GLRB: variants seen among roughly 807,000 people sequenced by gnomAD.
The protein encoded by GLRB is glycine receptor subunit beta.
In GLRB, 33 loss-of-function variants were observed where a neutral mutation model predicts 54.2. The observed-to-expected ratio is 0.61, with a 90% CI of 0.46 to 0.81. The LOEUF is 0.81. Among genes scored for constraint, GLRB ranks in the 40% least tolerant of loss-of-function variants. GLRB has a pLI of 0.00. For missense variants in GLRB, 572 were observed against 584.6 expected, an observed-to-expected ratio of 0.98 and a Z score of 0.22; for synonymous variants, 209 against 208.2, an observed-to-expected ratio of 1.00 and a Z score of -0.03.
At chr4:157,144,070 A>G (rs1182112247) in intron 8 of GLRB, 111 bp downstream of exon 8, 2 of 1,130,872 alleles carry the variant, frequency 1.8e-6, no homozygotes, top group East Asian at 2.4e-5. Context: ...TTAGCCACCA[A>G]TTTCGGTGTT....
intron 2 of GLRB, among the ~76,000 whole-genome samples, chr4:157,087,593 A>G (rs1030992923): frequency 1.3e-5 from 2 of 152,108 alleles, no homozygotes; most frequent in Non-Finnish European, 2.9e-5. Flanking sequence ...ACCAGTGGAA[A>G]AAGAATACAC....
intron 2 of GLRB, among the ~76,000 whole-genome samples, chr4:157,114,233 T>A (rs1237649682): frequency 6.6e-6 from 1 of 151,838 alleles, no homozygotes; most frequent in Non-Finnish European, 1.5e-5. Context: ...CACTTCCATG[T>A]GATTATTATA....
intron 4 of GLRB, among the ~76,000 whole-genome samples, chr4:157,122,991 A>G (rs1296278524): frequency 2.0e-5 from 3 of 151,732 alleles, no homozygotes; most frequent in Admixed American, 6.6e-5. Flanking sequence ...GGAATAGGAA[A>G]GAGGTTCAAG....
In GLRB at chr4:157,081,476, A is replaced by G. The variant is rs186825210; in HGVS notation, c.122+3330A>G. Among the ~76,000 whole-genome samples the G allele has an allele frequency of 3.5e-3, 527 of 152,306 alleles. 1 individual carries two copies. The highest frequency in any genetic ancestry group is 5.1e-3 in the Non-Finnish European group (349 of 68,020). On this transcript the variant is annotated intron_variant, in intron 2 of 9. Transcript: ENST00000264428. ...ACCTGAACTCAGAATCATGTGAATA[A>G]TACAATGAATAATCACTGTATTAAG... is the stretch of plus-strand genomic sequence containing the variant.
At chr4:157,149,744 C>G (rs1270111151) in intron 8 of GLRB, among the ~76,000 whole-genome samples, 2 of 152,050 alleles carry the variant, frequency 1.3e-5, no homozygotes, top group Admixed American at 6.6e-5. Flanking sequence ...CATGTGTGCA[C>G]TTGCAATTGC....
intron 4 of GLRB, among the ~76,000 whole-genome samples, chr4:157,129,737 G>T (rs138664282): frequency 6.6e-6 from 1 of 151,384 alleles, no homozygotes; most frequent in Non-Finnish European, 1.5e-5. Flanking sequence ...AATAATTGGG[G>T]TAGAGACCCA....
chr4:157,094,439 G>A (rs937786692), intron 2 of GLRB, among the ~76,000 whole-genome samples: 1 of 152,058 alleles, frequency 6.6e-6, no homozygotes, highest in Non-Finnish European at 1.5e-5. Context: ...TTATTTTTCT[G>A]TTTTGCTCTT....
rs77437991 is a variant in GLRB at position 157,095,180 on chromosome 4, G to C, written c.122+17034G>C. 7.8e-3 allele frequency among the ~76,000 whole-genome samples: 1,178 copies of C among 151,722 alleles called. 23 individuals carry two copies. The East Asian group carries it at 0.1, about 13-fold the overall frequency. ...GCTTTATGTGTTCAAACCACAGCAC[G>C]TAGACTAGGAAGAGGGTGAACTATG... is the stretch of plus-strand genomic sequence containing the variant. On this transcript the variant is annotated intron_variant, in intron 2 of 9. Transcript: ENST00000264428.
intron 2 of GLRB, among the ~76,000 whole-genome samples, chr4:157,082,415 C>T (rs1734255745): frequency 2.0e-5 from 3 of 152,082 alleles, no homozygotes; most frequent in Non-Finnish European, 4.4e-5. Flanking sequence ...ACCTTAATCA[C>T]CAGCAAGCAA....
chr4:157,142,698 T>C (rs930176822), intron 7 of GLRB, among the ~76,000 whole-genome samples: 6 of 152,172 alleles, frequency 3.9e-5, no homozygotes, highest in Admixed American at 3.3e-4. Flanking sequence ...AGTAACATTA[T>C]TCTTTCCCCC....
chr4:157,142,525 C>T (rs1736655146), intron 7 of GLRB, among the ~76,000 whole-genome samples: 1 of 152,008 alleles, frequency 6.6e-6, no homozygotes, highest in African/African-American at 2.4e-5. Flanking sequence ...TATAAATAGC[C>T]ATTCTTTTAT....
chr4:157,142,874 G>A (rs1324241716), intron 7 of GLRB, among the ~76,000 whole-genome samples: 1 of 151,904 alleles, frequency 6.6e-6, no homozygotes, highest in Admixed American at 6.6e-5. Context: ...AAGCACTTTC[G>A]GCATTATATA....
chr4:157,145,514 C>T (rs1022471313), intron 8 of GLRB, among the ~76,000 whole-genome samples: 2 of 152,146 alleles, frequency 1.3e-5, no homozygotes, highest in African/African-American at 4.8e-5. Flanking sequence ...AGCAGTTCTA[C>T]ATATTTTGAT....
intron 3 of GLRB, among the ~76,000 whole-genome samples, chr4:157,122,034 A>G (rs1735841617): frequency 6.6e-6 from 1 of 151,486 alleles, no homozygotes; most frequent in Non-Finnish European, 1.5e-5. Context: ...ATTTAAAAAA[A>G]GATTTAAAAG....
At chr4:157,109,358 G>A (rs74922850) in intron 2 of GLRB, among the ~76,000 whole-genome samples, 2,541 of 151,824 alleles carry the variant, frequency 0.017, 31 homozygotes, top group South Asian at 0.031. Context: ...CTTAGAATTC[G>A]TTTCCTAATT....
At chr4:157,081,020 C>T (rs1330216418) in intron 2 of GLRB, among the ~76,000 whole-genome samples, 1 of 152,106 alleles carries the variant, frequency 6.6e-6, no homozygotes, top group African/African-American at 2.4e-5. Flanking sequence ...AGATCATAAA[C>T]TTTTCTTGGC....
At chr4:157,137,882 A>G (rs927822426) in intron 6 of GLRB, among the ~76,000 whole-genome samples, 4 of 152,200 alleles carry the variant, frequency 2.6e-5, no homozygotes, top group Admixed American at 2.6e-4. Context: ...AAATACATAC[A>G]CTTTTGAGTT....
At chr4:157,099,314 GT>G (rs1734929105) in intron 2 of GLRB, among the ~76,000 whole-genome samples, 1 of 151,532 alleles carries the variant, frequency 6.6e-6, no homozygotes, top group Non-Finnish European at 1.5e-5. Flanking sequence ...TCAGTCTGGG[GT>G]CATTATGACT....
At chr4:157,132,655 T>C (rs1345105126) in intron 4 of GLRB, among the ~76,000 whole-genome samples, 2 of 151,894 alleles carry the variant, frequency 1.3e-5, no homozygotes, top group African/African-American at 4.8e-5. Context: ...TAATCATCAC[T>C]TCCTGAGGAT....
Sources: gnomAD v4.1 joint callset for allele counts (sites outside exome capture counted in the v4.1 genomes callset) on GRCh38, gnomAD v4.1.1 for gene constraint, MANE v1.5 for transcripts, NCBI Gene and HGNC (gene_info 2026-07-23, HGNC 2026-07-21) for gene names.